Variants in AKAIN1 observed in about 807,000 individuals in gnomAD.
AKAIN1 encodes A-kinase anchor inhibitor 1, also known as A-kinase anchor protein inhibitor 1.
In AKAIN1, 3 loss-of-function variants were observed where a neutral mutation model predicts 3.7. The observed-to-expected ratio is 0.82, with a 90% CI of 0.37 to 2.12. AKAIN1 has a LOEUF of 2.12. AKAIN1 is among the 30% of genes most tolerant of loss of function. The probability of loss-of-function intolerance (pLI) is 0.06; values close to 1 mark genes in which losing one functional copy is unlikely to be tolerated. For missense variants in AKAIN1, 82 were observed against 82.7 expected, an observed-to-expected ratio of 0.99 and a Z score of 0.03; for synonymous variants, 31 against 30.8, an observed-to-expected ratio of 1.01 and a Z score of -0.02.
At chr18:5,181,607 G>A (rs1490597190) in intron 1 of AKAIN1, among the ~76,000 whole-genome samples, 1 of 152,106 alleles carries the variant, frequency 6.6e-6, no homozygotes, top group Non-Finnish European at 1.5e-5. Context: ...CTCTAAGGAT[G>A]CTGAAGATGA....
chr18:5,150,771 T>A (rs1260676832), intron 1 of AKAIN1, among the ~76,000 whole-genome samples: 1 of 152,202 alleles, frequency 6.6e-6, no homozygotes, highest in Admixed American at 6.5e-5. Flanking sequence ...AGGAACTCAA[T>A]TGCAATATGG....
chr18:5,185,437 G>A (rs533987624), intron 1 of AKAIN1, among the ~76,000 whole-genome samples: 2 of 151,970 alleles, frequency 1.3e-5, no homozygotes, highest in Admixed American at 6.6e-5. Context: ...AAATATTTAC[G>A]AACTATGCAT....
upstream of AKAIN1, chr18:5,197,282 G>A (rs2071354937): frequency 8.0e-6 from 11 of 1,373,192 alleles, no homozygotes; most frequent in African/African-American, 1.5e-5. This position sits in a 1 kb window ranked among gnomAD's most constrained non-coding sequence, Gnocchi z 6.9. Flanking sequence ...GGCGGGAGGA[G>A]GAGGGTGAAT....
upstream of AKAIN1, chr18:5,197,515 A>AAAAAAAAAC: frequency 8.2e-7 from 1 of 1,224,562 alleles, no homozygotes; most frequent in Non-Finnish European, 1.0e-6. This position sits in a 1 kb window ranked among gnomAD's most constrained non-coding sequence, Gnocchi z 6.9. Context: ...AAAAAAAAAA[A>AAAAAAAAAC]ACTCTAAGAG....
At chr18:5,182,382 G>A (rs921717658) in intron 1 of AKAIN1, among the ~76,000 whole-genome samples, 26 of 152,000 alleles carry the variant, frequency 1.7e-4, no homozygotes, top group African/African-American at 6.3e-4. Flanking sequence ...CCATTTAGCC[G>A]ACCGTGGGCT....
intron 1 of AKAIN1, among the ~76,000 whole-genome samples, chr18:5,152,050 T>A (rs1361624115): frequency 6.6e-6 from 1 of 152,194 alleles, no homozygotes; most frequent in African/African-American, 2.4e-5. Flanking sequence ...CTATGTCATG[T>A]GCTATGAAGG....
chr18:5,197,368 C>A (rs1366885479), upstream of AKAIN1: 6 of 1,256,500 alleles, frequency 4.8e-6, no homozygotes, highest in Admixed American at 1.2e-4. The surrounding 1 kb of genome is among the most constrained non-coding windows in gnomAD (Gnocchi z 6.9). Flanking sequence ...AGCACTTCCA[C>A]CGCTTTCACG....
chr18:5,170,806 CT>C (rs1165436253), intron 1 of AKAIN1: 5 of 152,102 alleles, frequency 3.3e-5, no homozygotes, highest in Admixed American at 2.6e-4. Flanking sequence ...GAATACCTGG[CT>C]TTTTCTCCCT....
At chr18:5,149,631 T>C (rs577669105) in intron 1 of AKAIN1, among the ~76,000 whole-genome samples, 25 of 152,350 alleles carry the variant, frequency 1.6e-4, no homozygotes, top group Non-Finnish European at 3.2e-4. Context: ...TTCTTATTTC[T>C]GCATATTCAC....
At chr18:5,153,926 T>C (rs1050162537) in intron 1 of AKAIN1, among the ~76,000 whole-genome samples, 11 of 152,264 alleles carry the variant, frequency 7.2e-5, no homozygotes. Flanking sequence ...AAGAAATCTC[T>C]GTACCTTCTG....
intron 1 of AKAIN1, among the ~76,000 whole-genome samples, chr18:5,183,153 T>G (rs899020638): frequency 6.6e-6 from 1 of 152,032 alleles, no homozygotes; most frequent in Non-Finnish European, 1.5e-5. Context: ...ATATAAATAA[T>G]GGCACCTTTT....
chr18:5,153,212 C>T (rs2071088903), intron 1 of AKAIN1, among the ~76,000 whole-genome samples: 1 of 152,098 alleles, frequency 6.6e-6, no homozygotes, highest in South Asian at 2.1e-4. Flanking sequence ...ATTGTAATTC[C>T]TTAAGGAAGC....
chr18:5,197,127 C>A lies in AKAIN1; in HGVS notation c.-74G>T, dbSNP rs542044003. 48 of 1,546,792 alleles carry A rather than the reference C, an allele frequency of 3.1e-5. No homozygotes were observed. The highest frequency in any genetic ancestry group is 4.1e-5 in the Non-Finnish European group (47 of 1,146,550). On this transcript the variant is annotated 5_prime_UTR_variant, in exon 1 of 2. Transcript: ENST00000434239. This position sits in a 1 kb window ranked among gnomAD's most constrained non-coding sequence, Gnocchi z 6.9. ...GACGGAGGATGGGAAGAAGGCCGGA[C>A]TTGGCGGGGTCCGGTGCAGGAGGGC... is the stretch of plus-strand genomic sequence containing the variant.
intron 1 of AKAIN1, among the ~76,000 whole-genome samples, chr18:5,152,779 G>A (rs145385793): frequency 7.2e-5 from 11 of 152,292 alleles, no homozygotes; most frequent in Non-Finnish European, 1.6e-4. Context: ...CCTGATCTGC[G>A]TAACAAAAGC....
At chr18:5,166,841 G>A (rs1468445951) in intron 1 of AKAIN1, among the ~76,000 whole-genome samples, 3 of 152,020 alleles carry the variant, frequency 2.0e-5, no homozygotes, top group Non-Finnish European at 4.4e-5. Context: ...GTTTCCTCTT[G>A]AATCAGTTGT....
chr18:5,164,471 AC>A (rs1178096181), intron 1 of AKAIN1, among the ~76,000 whole-genome samples: 1 of 152,056 alleles, frequency 6.6e-6, no homozygotes, highest in Non-Finnish European at 1.5e-5. Flanking sequence ...TAGAAAAGCA[AC>A]TAAAACATGT....
At chr18:5,166,900 CAT>C (rs1491299887) in intron 1 of AKAIN1, among the ~76,000 whole-genome samples, 3 of 152,090 alleles carry the variant, frequency 2.0e-5, no homozygotes, top group Non-Finnish European at 4.4e-5. Flanking sequence ...TCTTCTATAA[CAT>C]TTTTCACCAT....
chr18:5,160,289 G>A (rs1360613292), intron 1 of AKAIN1, among the ~76,000 whole-genome samples: 1 of 152,106 alleles, frequency 6.6e-6, no homozygotes, highest in Non-Finnish European at 1.5e-5. Context: ...AACCTGGTAA[G>A]CATGCAATTA....
intron 1 of AKAIN1, among the ~76,000 whole-genome samples, chr18:5,194,042 G>GCC (rs1423542051): frequency 6.6e-6 from 1 of 152,092 alleles, no homozygotes; most frequent in Non-Finnish European, 1.5e-5. Flanking sequence ...CCTCATTTTA[G>GCC]TCTTTAGCCT....
Sources: allele counts gnomAD v4.1 joint callset (sites outside exome capture counted in the v4.1 genomes callset), GRCh38; gene constraint gnomAD v4.1.1; non-coding constraint Gnocchi (gnomAD v3.1); transcripts MANE v1.5; gene names NCBI Gene and HGNC (gene_info 2026-07-23, HGNC 2026-07-21).